Variants in PLD5 observed in about 807,000 individuals in gnomAD.
PLD5 encodes phospholipase D family member 5.
A neutral mutation model predicts 61.1 loss-of-function variants in PLD5; 36 were observed. The observed-to-expected ratio is 0.59, with a 90% CI of 0.45 to 0.78. PLD5 has a LOEUF of 0.78. Among genes scored for constraint, PLD5 ranks in the 30% least tolerant of loss-of-function variants. PLD5 has a pLI of 0.00. For synonymous variants in PLD5, 243 were observed against 242.8 expected, an observed-to-expected ratio of 1.00 and a Z score of -0.01; for missense variants, 515 against 644.4, an observed-to-expected ratio of 0.80 and a Z score of 2.17.
At chr1:242,507,994 GT>G (rs34331301) in intron 1 of PLD5, among the ~76,000 whole-genome samples, 85,848 of 147,422 alleles carry the variant, frequency 0.58, 25,301 homozygotes, top group African/African-American at 0.64. Context: ...TTTTTAATCT[GT>G]TTTTTTTTTT....
At chr1:242,101,888 C>A (rs80175590) in intron 8 of PLD5, among the ~76,000 whole-genome samples, 1 of 152,142 alleles carries the variant, frequency 6.6e-6, no homozygotes, top group African/African-American at 2.4e-5. Context: ...GAGCAGAGAT[C>A]AAAATCTACT....
chr1:242,280,783 G>A (rs1041638136), intron 3 of PLD5, among the ~76,000 whole-genome samples: 1 of 152,180 alleles, frequency 6.6e-6, no homozygotes, highest in Non-Finnish European at 1.5e-5. Flanking sequence ...TCCATGTTCA[G>A]GCCACACGAG....
intron 1 of PLD5, among the ~76,000 whole-genome samples, chr1:242,514,735 T>C (rs1315974427): frequency 6.6e-6 from 1 of 152,188 alleles, no homozygotes; most frequent in Non-Finnish European, 1.5e-5. Flanking sequence ...TCTAACTAGA[T>C]ACAGTGTCTT....
chr1:242,180,527 A>G (rs1359929567), intron 5 of PLD5, among the ~76,000 whole-genome samples: 4 of 152,218 alleles, frequency 2.6e-5, no homozygotes, highest in Non-Finnish European at 2.9e-5. Context: ...TCAAAATATA[A>G]GGTCCATAGG....
At chr1:242,418,301 C>T (rs773359791) in intron 1 of PLD5, among the ~76,000 whole-genome samples, 68 of 152,138 alleles carry the variant, frequency 4.5e-4, no homozygotes, top group Non-Finnish European at 8.5e-4. Flanking sequence ...AGGGGAAGGT[C>T]AGGAGTTTTG....
upstream of PLD5, among the ~76,000 whole-genome samples, chr1:242,527,293 G>C (rs1669471773): frequency 1.3e-5 from 2 of 151,568 alleles, no homozygotes; most frequent in South Asian, 4.2e-4. Context: ...ATCACACCCG[G>C]CTAATTTTTG....
intron 5 of PLD5, chr1:242,192,219 C>G (rs374937717): frequency 1.3e-5 from 2 of 152,352 alleles, no homozygotes; most frequent in African/African-American, 4.8e-5. Flanking sequence ...TGGGACACCA[C>G]CAACCATCCT....
intron 5 of PLD5, among the ~76,000 whole-genome samples, chr1:242,208,638 T>G (rs1669596325): frequency 6.6e-6 from 1 of 152,286 alleles, no homozygotes; most frequent in South Asian, 2.1e-4. Context: ...GGTCAGTTTG[T>G]TCTCCCTGTC....
At chr1:242,359,052 G>A (rs574156406) in intron 1 of PLD5, among the ~76,000 whole-genome samples, 4 of 152,162 alleles carry the variant, frequency 2.6e-5, no homozygotes, top group Non-Finnish European at 4.4e-5. Context: ...TGACCAGCTT[G>A]ACTTTGCAGG....
chr1:242,395,064 T>C lies in PLD5; in HGVS notation c.190-46822A>G, dbSNP rs1029571017. On this transcript the variant is annotated intron_variant, in intron 1 of 9. Transcript: ENST00000536534. ...ATATGTATATATGAATATATATGTA[T>C]ATATATGAATATATATGTATATATA... Among the ~76,000 whole-genome samples the C allele has an allele frequency of 1.6e-4, 5 of 30,688 alleles. No individual in the cohort carries two copies. In the East Asian group the frequency reaches 2.9e-3, roughly 18 times the overall value. 20.1% of individuals were successfully genotyped at this position (30,688 alleles called of 152,430 possible).
chr1:242,463,252 C>A (rs1283084516), intron 1 of PLD5, among the ~76,000 whole-genome samples: 1 of 152,154 alleles, frequency 6.6e-6, no homozygotes, highest in African/African-American at 2.4e-5. Context: ...AAAATCAAAC[C>A]CAGTCAGTAG....
intron 1 of PLD5, among the ~76,000 whole-genome samples, chr1:242,503,177 T>C (rs1668611985): frequency 6.6e-6 from 1 of 152,098 alleles, no homozygotes; most frequent in African/African-American, 2.4e-5. Flanking sequence ...GTCACCCCAG[T>C]GTTGGAGGTG....
At chr1:242,496,005 A>T (rs1439961958) in intron 1 of PLD5, among the ~76,000 whole-genome samples, 1 of 152,246 alleles carries the variant, frequency 6.6e-6, no homozygotes, top group Non-Finnish European at 1.5e-5. Flanking sequence ...TAAATAAGAA[A>T]TTATTACCAG....
chr1:242,392,660 C>T (rs1025614608), intron 1 of PLD5, among the ~76,000 whole-genome samples: 1 of 152,164 alleles, frequency 6.6e-6, no homozygotes, highest in Admixed American at 6.5e-5. Context: ...GTTTAGAGCA[C>T]TCAGAGGAGC....
At chr1:242,131,634 G>T (rs1047728216) in intron 5 of PLD5, among the ~76,000 whole-genome samples, 1 of 152,100 alleles carries the variant, frequency 6.6e-6, no homozygotes, top group Non-Finnish European at 1.5e-5. Flanking sequence ...ACTCAAAAAT[G>T]AGTTTAATGT....
chr1:242,505,028 G>A (rs899098257), intron 1 of PLD5, among the ~76,000 whole-genome samples: 1 of 152,098 alleles, frequency 6.6e-6, no homozygotes, highest in South Asian at 2.1e-4. Context: ...ATCATGGCAT[G>A]TGCCTGTAGT....
intron 1 of PLD5, among the ~76,000 whole-genome samples, chr1:242,398,385 T>C (rs1424559989): frequency 1.3e-5 from 2 of 152,246 alleles, no homozygotes; most frequent in African/African-American, 4.8e-5. Flanking sequence ...AAGCAAGTTT[T>C]ATCTGCTGAA....
At chr1:242,275,835 C>T (rs1427685709) in intron 3 of PLD5, among the ~76,000 whole-genome samples, 1 of 152,060 alleles carries the variant, frequency 6.6e-6, no homozygotes, top group East Asian at 1.9e-4. Context: ...TGATGAAGGG[C>T]CTTGTAAGAC....
In PLD5 at chr1:242,189,547, G is replaced by A. The variant is rs575070317; in HGVS notation, c.735+30441C>T. 4.6e-5 allele frequency among the ~76,000 whole-genome samples: 7 copies of A among 151,190 alleles called. No homozygotes were observed. The East Asian group carries it at 5.8e-4, about 13-fold the overall frequency. On this transcript the variant is annotated intron_variant, in intron 5 of 9. Coordinates refer to ENST00000536534, the MANE Select transcript of PLD5 (RefSeq NM_001372062.1). ...AGTATTTATTGAGAATCTTCCATGC[G>A]TCACTGTTCTAGACACATAGGGCCA... is the stretch of plus-strand genomic sequence containing the variant.
Sources: gnomAD v4.1 joint callset for allele counts (sites outside exome capture counted in the v4.1 genomes callset) on GRCh38, gnomAD v4.1.1 for gene constraint, MANE v1.5 for transcripts, NCBI Gene and HGNC (gene_info 2026-07-23, HGNC 2026-07-21) for gene names.